SETDB1: variants seen among roughly 807,000 people sequenced by gnomAD.
The protein encoded by SETDB1 is histone-lysine N-methyltransferase SETDB1.
Under a neutral mutation model 137.4 loss-of-function variants are expected in SETDB1, and 31 were observed. The observed-to-expected ratio is 0.23, with a 90% CI of 0.17 to 0.30. SETDB1 has a LOEUF of 0.30. SETDB1 is among the 10% of genes least tolerant of loss of function. The pLI, the probability that SETDB1 is intolerant of heterozygous loss-of-function variation, is 1.00. For missense variants in SETDB1, 1,113 were observed against 1,631.5 expected, an observed-to-expected ratio of 0.68 and a Z score of 5.47; for synonymous variants, 548 against 579.9, an observed-to-expected ratio of 0.95 and a Z score of 0.79.
Position 150,950,734 on chromosome 1 carries a change from C to G in SETDB1, c.1860C>G (p.Arg620=). 1 of 1,614,196 alleles carries G rather than the reference C, an allele frequency of 6.2e-7. No homozygotes were observed. The highest frequency in any genetic ancestry group is 8.5e-7 in the Non-Finnish European group (1 of 1,180,042). ...RRMTARRRVN[R]KMGFHVIYKT... ...TGACAGCCCGGCGTCGAGTTAACCGCAAGATGGGCTTTCATGTTATCTATA... is the reference window on the plus strand; with the variant it reads ...TGACAGCCCGGCGTCGAGTTAACCGGAAGATGGGCTTTCATGTTATCTATA... Residue 620 remains arginine, a synonymous_variant, in exon 13 of 22, where the codon CGC becomes CGG. Coordinates refer to ENST00000692827, the MANE Select transcript of SETDB1 (RefSeq NM_001366418.1).
At chr1:150,963,499 G>A in intron 19 of SETDB1, 31 bp from the exon 20 acceptor site, 1 of 1,537,464 alleles carries the variant, frequency 6.5e-7, no homozygotes, top group Non-Finnish European at 8.9e-7. Context: ...GAGTTGGGAT[G>A]GGTCCTGACC....
intron 2 of SETDB1, among the ~76,000 whole-genome samples, chr1:150,929,619 T>A (rs1669662039): frequency 6.6e-6 from 1 of 152,004 alleles, no homozygotes; most frequent in Non-Finnish European, 1.5e-5. Flanking sequence ...TGACCTCAAG[T>A]GATCTACCTG....
chr1:150,960,096 CAG>C (rs1305350949), intron 15 of SETDB1, among the ~76,000 whole-genome samples: 3 of 148,640 alleles, frequency 2.0e-5, no homozygotes, highest in East Asian at 4.0e-4. Context: ...AAAAAAAAAA[CAG>C]AAATGAGAGA....
Position 150,963,705 on chromosome 1 carries a change from T to C in SETDB1, c.3636T>C (p.Asp1212=), listed in dbSNP as rs781301200. Residue 1212 remains aspartate (D), a synonymous_variant, in exon 20 of 22, where the codon GAT becomes GAC. Coordinates refer to ENST00000692827, the MANE Select transcript of SETDB1 (RefSeq NM_001366418.1). ...GCGAGGAGTCTTGCTACATCATTGATGCCAAGCTTGAAGGCAACCTGGGCC... is the reference window on the plus strand; with the variant it reads ...GCGAGGAGTCTTGCTACATCATTGACGCCAAGCTTGAAGGCAACCTGGGCC... ...YDGEESCYII[D]AKLEGNLGRY... 2.5e-6 allele frequency: 4 copies of C among 1,614,180 alleles called. No individual in the cohort carries two copies. The highest frequency in any genetic ancestry group is 2.2e-5 in the South Asian group (2 of 91,080).
At chr1:150,929,846 G>T in intron 2 of SETDB1, 121 bp from the exon 3 acceptor site, 1 of 758,036 alleles carries the variant, frequency 1.3e-6, no homozygotes, top group Non-Finnish European at 2.1e-6. Context: ...GAGACACTTT[G>T]GAATGTGGCC....
chr1:150,931,266 A>AAAAAAAAAAAAAAAAAAAC (rs1669730761), intron 3 of SETDB1, among the ~76,000 whole-genome samples: 1 of 128,012 alleles, frequency 7.8e-6, no homozygotes, highest in African/African-American at 4.6e-5. Context: ...GTCTTCAAAA[A>AAAAAAAAAAAAAAAAAAAC]AAAAAAAAAA....
intron 4 of SETDB1, 42 bp downstream of exon 4, chr1:150,940,016 G>T: frequency 6.6e-7 from 1 of 1,521,498 alleles, no homozygotes. Flanking sequence ...ATAAGAATAT[G>T]AAAATAGGAG....
intron 3 of SETDB1, among the ~76,000 whole-genome samples, chr1:150,931,379 A>G (rs1669739844): frequency 6.6e-6 from 1 of 151,216 alleles, no homozygotes; most frequent in South Asian, 2.1e-4. Context: ...AGGTCAGGAG[A>G]TCCAGACCAT....
At chr1:150,941,006 A>G (rs1473156799) in intron 4 of SETDB1, among the ~76,000 whole-genome samples, 6 of 150,626 alleles carry the variant, frequency 4.0e-5, no homozygotes, top group African/African-American at 7.3e-5. Context: ...TCAAAAAAAA[A>G]AAAAAAATTA....
intron 2 of SETDB1, among the ~76,000 whole-genome samples, chr1:150,929,151 TC>T (rs971292049): frequency 2.6e-5 from 4 of 152,180 alleles, no homozygotes; most frequent in African/African-American, 9.7e-5. Flanking sequence ...TAGTTCTAGA[TC>T]CTTGAGGAAT....
At position 150,959,343 on chromosome 1, in the gene SETDB1, T is replaced by C; in HGVS notation, c.2499T>C (p.Tyr833=). 1.2e-6 allele frequency: 2 copies of C among 1,602,524 alleles called. No individual in the cohort carries two copies. Among genetic ancestry groups the C allele is most frequent in the Non-Finnish European group, 1.7e-6 (2 of 1,175,840 alleles). Reference sequence around the variant, plus strand: ...CCAAAGGCTCTTTTGTTTGTATTTATGCAGGTTGGTGATAAAATATAAGGG... The same window carrying C: ...CCAAAGGCTCTTTTGTTTGTATTTACGCAGGTTGGTGATAAAATATAAGGG... ...DIAKGSFVCI[Y]AGKILTDDFA... The change falls in exon 15 of 22, where the codon TAT becomes TAC. Residue 833 remains tyrosine, a synonymous_variant. Coordinates refer to ENST00000692827, the MANE Select transcript of SETDB1 (RefSeq NM_001366418.1).
In SETDB1 at chr1:150,963,459, A is replaced by G. The variant is rs587742580; in HGVS notation, c.3461-71A>G. ...ATGTTGGGAGAGAAATAGGGGTAGA[A>G]TGTCCATTCATGATAGAATGTCTGT... On this transcript the variant is annotated intron_variant, in intron 19 of 21. Transcript: ENST00000692827. 2.9e-5 allele frequency: 35 copies of G among 1,226,734 alleles called. No homozygotes were observed. The South Asian group carries it at 4.8e-4, about 17-fold the overall frequency. The allele number at this position is 1,226,734 out of a possible 1,614,324, so 76.0% of individuals were successfully genotyped here.
Position 150,959,358 on chromosome 1 carries a change from A to C in SETDB1, c.2503+11A>C. 6.3e-7 allele frequency: 1 copy of C among 1,598,838 alleles called. No homozygotes were observed. The highest frequency in any genetic ancestry group is 8.5e-7 in the Non-Finnish European group (1 of 1,173,894). ...TTTGTATTTATGCAGGTTGGTGATA[A>C]AATATAAGGGTTGTTTCCTGAGACT... On this transcript the variant is annotated intron_variant, in intron 15 of 21. Transcript: ENST00000692827.
chr1:150,962,462 C>A, intron 17 of SETDB1, 125 bp from the exon 18 acceptor site: 1 of 901,364 alleles, frequency 1.1e-6, no homozygotes, highest in Non-Finnish European at 1.8e-6. Flanking sequence ...CAGCCATGAG[C>A]TACCGTGTCC....
At chr1:150,937,129 A>G (rs1467981323) in intron 3 of SETDB1, among the ~76,000 whole-genome samples, 3 of 152,000 alleles carry the variant, frequency 2.0e-5, no homozygotes, top group Non-Finnish European at 4.4e-5. Context: ...TGTCTCAAAG[A>G]AAAAATATAT....
In SETDB1 at chr1:150,950,717, C is replaced by T. The variant is rs1436386364; in HGVS notation, c.1843C>T (p.Arg615Trp). 4 of 1,614,070 alleles carry T rather than the reference C, an allele frequency of 2.5e-6. No individual in the cohort carries two copies. The highest frequency in any genetic ancestry group is 3.4e-6 in the Non-Finnish European group (4 of 1,180,034). ...ATATGACTTCCGGCGGATGACAGCC[C>T]GGCGTCGAGTTAACCGCAAGATGGG... ...LLYDFRRMTA[R>W]RRVNRKMGFH... The change falls in exon 13 of 22, where the codon CGG becomes TGG. Residue 615 changes from arginine (R) to tryptophan (W), a missense_variant. Arg to Trp is a moderately radical substitution (Grantham distance 101). Transcript: ENST00000692827.
chr1:150,936,386 C>T lies in SETDB1; in HGVS notation c.413-3554C>T, dbSNP rs587692880. 2.0e-4 allele frequency among the ~76,000 whole-genome samples: 30 copies of T among 152,216 alleles called. 1 individual carries two copies. In the South Asian group the frequency reaches 5.2e-3, roughly 26 times the overall value. ...TTTTGGAATAGTTTAGCTAGTGAGG[C>T]GAATGCATTCAGAGTTACATTTAGT... On this transcript the variant is annotated intron_variant, in intron 3 of 21. Coordinates refer to ENST00000692827, the MANE Select transcript of SETDB1 (RefSeq NM_001366418.1).
At chr1:150,958,589 C>T (rs1424442468) in intron 14 of SETDB1, among the ~76,000 whole-genome samples, 3 of 152,034 alleles carry the variant, frequency 2.0e-5, no homozygotes, top group Non-Finnish European at 2.9e-5. Flanking sequence ...TTTAGTAGAG[C>T]TCTTGGTGTT....
intron 3 of SETDB1, among the ~76,000 whole-genome samples, chr1:150,937,049 C>G (rs587730349): frequency 7.2e-5 from 11 of 152,022 alleles, no homozygotes; most frequent in Non-Finnish European, 4.4e-5. Context: ...TGCTTGAACC[C>G]GGGAGGCGGA....
Sources: allele counts gnomAD v4.1 joint callset (sites outside exome capture counted in the v4.1 genomes callset), GRCh38; gene constraint gnomAD v4.1.1; transcripts MANE v1.5; gene names NCBI Gene and HGNC (gene_info 2026-07-23, HGNC 2026-07-21).